Variants in NFIB observed in about 807,000 individuals in gnomAD.
NFIB encodes nuclear factor I B, also known as nuclear factor 1 B-type.
A neutral mutation model predicts 61.5 loss-of-function variants in NFIB; 11 were observed. The observed-to-expected ratio is 0.18, with a 90% CI of 0.11 to 0.30. The LOEUF is 0.30. Among genes scored for constraint, NFIB ranks in the 10% least tolerant of loss-of-function variants. The pLI is 1.00. For missense variants in NFIB, 471 were observed against 608.9 expected, an observed-to-expected ratio of 0.77 and a Z score of 2.38; for synonymous variants, 260 against 216.5, an observed-to-expected ratio of 1.20 and a Z score of -1.76.
intron 2 of NFIB, among the ~76,000 whole-genome samples, chr9:14,280,819 G>T (rs2058325343): frequency 6.6e-6 from 1 of 152,076 alleles, no homozygotes; most frequent in African/African-American, 2.4e-5. Flanking sequence ...AGGTGGCCAG[G>T]GAGACTACAG....
At chr9:14,257,284 T>C (rs1388590184) in intron 2 of NFIB, among the ~76,000 whole-genome samples, 1 of 152,202 alleles carries the variant, frequency 6.6e-6, no homozygotes, top group African/African-American at 2.4e-5. Flanking sequence ...AGGTGACAGC[T>C]GTGCCTTATT....
intron 1 of NFIB, among the ~76,000 whole-genome samples, chr9:14,339,762 C>A (rs753196130): frequency 6.6e-6 from 1 of 152,186 alleles, no homozygotes; most frequent in Non-Finnish European, 1.5e-5. Context: ...TTCTCTTCAT[C>A]TGCTAATTTG....
intron 3 of NFIB, among the ~76,000 whole-genome samples, chr9:14,174,691 C>T (rs991035748): frequency 2.0e-5 from 3 of 148,826 alleles, no homozygotes; most frequent in Admixed American, 6.8e-5. Flanking sequence ...TGCTTGAACC[C>T]GGGAGGCAGA....
intron 6 of NFIB, among the ~76,000 whole-genome samples, chr9:14,129,703 G>A (rs1047300136): frequency 1.3e-5 from 2 of 152,010 alleles, no homozygotes; most frequent in Non-Finnish European, 2.9e-5. Context: ...CAAATACCAC[G>A]CTTTACACAA....
the NFIB span, among the ~76,000 whole-genome samples, chr9:14,524,181 G>A: frequency 3.8e-4 from 58 of 152,118 alleles, 1 homozygote; most frequent in South Asian, 0.011. Flanking sequence ...ATCCTCTTGG[G>A]GCTTATAATT....
At chr9:14,150,489 G>A (rs1021960982) in intron 4 of NFIB, among the ~76,000 whole-genome samples, 1 of 151,944 alleles carries the variant, frequency 6.6e-6, no homozygotes, top group Non-Finnish European at 1.5e-5. Context: ...ATAATCACTG[G>A]TTACCAATTT....
chr9:14,198,546 GC>G (rs951392998), intron 2 of NFIB, among the ~76,000 whole-genome samples: 6 of 152,078 alleles, frequency 3.9e-5, no homozygotes, highest in African/African-American at 9.7e-5. Flanking sequence ...AATGCTACTT[GC>G]CTTATTGTCA....
chr9:14,185,547 C>T (rs115839150), intron 2 of NFIB, among the ~76,000 whole-genome samples: 2,194 of 152,246 alleles, frequency 0.014, 53 homozygotes, highest in African/African-American at 0.048. Context: ...ATCCCCTTTA[C>T]ATCCTCAACA....
At chr9:14,395,032 G>A (rs2061666841) in intron 1 of NFIB, among the ~76,000 whole-genome samples, 1 of 152,020 alleles carries the variant, frequency 6.6e-6, no homozygotes, top group Admixed American at 6.6e-5. Flanking sequence ...GAAATTTTTG[G>A]TAGGACCAGT....
intron 10 of NFIB, among the ~76,000 whole-genome samples, chr9:14,097,305 T>G (rs2034947088): frequency 6.6e-6 from 1 of 152,182 alleles, no homozygotes; most frequent in Non-Finnish European, 1.5e-5. Flanking sequence ...ATTTCTATCA[T>G]AGTCCCAGAG....
At chr9:14,493,457 G>C in the NFIB span, among the ~76,000 whole-genome samples, 1 of 152,092 alleles carries the variant, frequency 6.6e-6, no homozygotes, top group South Asian at 2.1e-4. Context: ...TTTTAAAAGA[G>C]GAAAATTCCT....
At chr9:14,156,972 ATGGAGCAC>A (rs1032706901) in intron 3 of NFIB, among the ~76,000 whole-genome samples, 76 of 152,312 alleles carry the variant, frequency 5.0e-4, no homozygotes, top group African/African-American at 1.8e-3. Flanking sequence ...GTGCAGCAAC[ATGGAGCAC>A]TGAAATCAAA....
chr9:14,518,967 T>C, the NFIB span, among the ~76,000 whole-genome samples: 1 of 152,272 alleles, frequency 6.6e-6, no homozygotes, highest in East Asian at 1.9e-4. Context: ...CAGGCCCCAG[T>C]TGCCTGGAGC....
At chr9:14,223,219 C>T (rs1189821216) in intron 2 of NFIB, among the ~76,000 whole-genome samples, 1 of 152,194 alleles carries the variant, frequency 6.6e-6, no homozygotes, top group Non-Finnish European at 1.5e-5. Flanking sequence ...AGTTGCTATG[C>T]TTAGATGATA....
intron 2 of NFIB, among the ~76,000 whole-genome samples, chr9:14,230,396 T>C (rs1587785725): frequency 6.6e-6 from 1 of 152,136 alleles, no homozygotes; most frequent in African/African-American, 2.4e-5. Flanking sequence ...TAAAATGCTA[T>C]GAAGAAACTT....
intron 2 of NFIB, among the ~76,000 whole-genome samples, chr9:14,182,062 C>T (rs2046840488): frequency 6.6e-6 from 1 of 152,210 alleles, no homozygotes; most frequent in African/African-American, 2.4e-5. Flanking sequence ...AGAACAATGG[C>T]ATCCCCTGTT....
chr9:14,122,495 G>A (rs1260346506), intron 7 of NFIB, among the ~76,000 whole-genome samples: 1 of 152,134 alleles, frequency 6.6e-6, no homozygotes, highest in Non-Finnish European at 1.5e-5. Flanking sequence ...TCCATCAAAT[G>A]TATGCATTTC....
chr9:14,459,541 T>G, the NFIB span, among the ~76,000 whole-genome samples: 1 of 151,958 alleles, frequency 6.6e-6, no homozygotes, highest in Non-Finnish European at 1.5e-5. Context: ...CTAAAGAGCT[T>G]CTGCACAGCA....
chr9:14,150,896 T>A (rs893519634), intron 4 of NFIB, among the ~76,000 whole-genome samples: 11 of 152,148 alleles, frequency 7.2e-5, no homozygotes, highest in Non-Finnish European at 1.6e-4. Context: ...GATGTGATTA[T>A]TATGCATTGT....
Sources: allele counts gnomAD v4.1 joint callset (sites outside exome capture counted in the v4.1 genomes callset), GRCh38; gene constraint gnomAD v4.1.1; transcripts MANE v1.5; gene names NCBI Gene and HGNC (gene_info 2026-07-23, HGNC 2026-07-21).